The following NCOA7 variants were observed in gnomAD, a reference collection of about 807,000 sequenced individuals.
NCOA7 encodes 140 kDa estrogen receptor-associated protein.
Under a neutral mutation model 104.3 loss-of-function variants are expected in NCOA7, and 45 were observed. The observed-to-expected ratio is 0.43, with a 90% CI of 0.34 to 0.55. The LOEUF is 0.55. Ranked by LOEUF, NCOA7 falls within the 20% of genes least tolerant of loss-of-function variation. The pLI is 0.02. For missense variants in NCOA7, 1,041 were observed against 1,119.7 expected (o/e 0.93, Z 1.00); for synonymous variants, 398 against 402.3 (o/e 0.99, Z 0.13).
intron 10 of NCOA7, chr6:125,899,793 A>AC (rs976107986): frequency 9.0e-6 from 2 of 221,524 alleles, no homozygotes; most frequent in African/African-American, 2.3e-5. Flanking sequence ...TTAGGCAACC[A>AC]CCCCCCAGTA....
intron 2 of NCOA7, among the ~76,000 whole-genome samples, chr6:125,836,050 T>C (rs952474523): frequency 1.8e-4 from 27 of 152,186 alleles, no homozygotes; most frequent in Non-Finnish European, 2.9e-5. Context: ...GGAAACAAAA[T>C]GGAAAAGGTA....
At chr6:125,830,769 G>C (rs1779117646) in intron 2 of NCOA7, among the ~76,000 whole-genome samples, 1 of 143,410 alleles carries the variant, frequency 7.0e-6, no homozygotes. Context: ...GTATGTGTGT[G>C]TGTGTGTGTG....
chr6:125,859,116 T>C (rs887234927), intron 3 of NCOA7, among the ~76,000 whole-genome samples: 1 of 152,056 alleles, frequency 6.6e-6, no homozygotes, highest in Non-Finnish European at 1.5e-5. Flanking sequence ...TACCATCAAC[T>C]CTGTGATGAA....
chr6:125,820,379 A>G (rs1403202622), intron 2 of NCOA7, among the ~76,000 whole-genome samples: 3 of 152,222 alleles, frequency 2.0e-5, no homozygotes, highest in Non-Finnish European at 4.4e-5. Context: ...GTTGCTAAAA[A>G]TAACCAACTA....
intron 2 of NCOA7, among the ~76,000 whole-genome samples, chr6:125,821,477 C>G (rs1007933001): frequency 6.6e-6 from 1 of 152,142 alleles, no homozygotes; most frequent in Non-Finnish European, 1.5e-5. Context: ...TGCTGCTACT[C>G]ACAGTGTGGG....
chr6:125,815,514 G>C, intron 2 of NCOA7, 110 bp downstream of exon 2: 1 of 828,710 alleles, frequency 1.2e-6, no homozygotes, highest in South Asian at 1.7e-5. Flanking sequence ...TTCATAAATA[G>C]AGCAGGTAAC....
chr6:125,905,870 G>A (rs1008915145), intron 10 of NCOA7, among the ~76,000 whole-genome samples: 12 of 151,976 alleles, frequency 7.9e-5, no homozygotes, highest in African/African-American at 2.7e-4. Context: ...GCATGATCTC[G>A]ACTGACTACA....
chr6:125,897,486 T>A (rs1039324518), intron 10 of NCOA7, among the ~76,000 whole-genome samples: 10 of 152,254 alleles, frequency 6.6e-5, no homozygotes, highest in African/African-American at 2.2e-4. Flanking sequence ...TTCTTAGTTT[T>A]ATTTTCTATT....
intron 11 of NCOA7, chr6:125,919,229 T>C: frequency 1.3e-6 from 2 of 1,588,082 alleles, no homozygotes; most frequent in African/African-American, 1.3e-5. Context: ...AACTCAATCA[T>C]GCAGGAAACT....
chr6:125,825,266 A>G (rs1369424197), intron 2 of NCOA7, among the ~76,000 whole-genome samples: 1 of 151,980 alleles, frequency 6.6e-6, no homozygotes, highest in African/African-American at 2.4e-5. Flanking sequence ...TCGGGTATTG[A>G]AAGTTACAGT....
chr6:125,841,655 T>A (rs1273571196), intron 2 of NCOA7, among the ~76,000 whole-genome samples: 2 of 152,106 alleles, frequency 1.3e-5, no homozygotes, highest in African/African-American at 4.8e-5. Flanking sequence ...CCTTTACATG[T>A]GAATGAATTA....
At chr6:125,804,873 T>C (rs372056168) in intron 1 of NCOA7, among the ~76,000 whole-genome samples, 6 of 152,124 alleles carry the variant, frequency 3.9e-5, no homozygotes, top group Admixed American at 3.9e-4. Context: ...TCTTCTGTTC[T>C]CAAAACGTAA....
At chr6:125,886,813 C>T (rs917729939) in intron 8 of NCOA7, among the ~76,000 whole-genome samples, 11 of 152,206 alleles carry the variant, frequency 7.2e-5, no homozygotes, top group Non-Finnish European at 1.3e-4. Flanking sequence ...CCAGTGGCAA[C>T]GTGCAATAGT....
chr6:125,910,693 A>G (rs1296279883), intron 10 of NCOA7, among the ~76,000 whole-genome samples: 1 of 152,342 alleles, frequency 6.6e-6, no homozygotes, highest in Non-Finnish European at 1.5e-5. Context: ...TCACAATGCA[A>G]TCCTACTTCT....
chr6:125,819,158 T>G (rs906256122), intron 2 of NCOA7, among the ~76,000 whole-genome samples: 1 of 152,172 alleles, frequency 6.6e-6, no homozygotes, highest in Non-Finnish European at 1.5e-5. Context: ...GTTTTCTTTG[T>G]GTGCTATCTT....
At chr6:125,922,197 T>C (rs149804266) in intron 12 of NCOA7, among the ~76,000 whole-genome samples, 45 of 152,344 alleles carry the variant, frequency 3.0e-4, no homozygotes, top group African/African-American at 1.1e-3. Flanking sequence ...GTAAAAGATA[T>C]AGGTGCAATA....
chr6:125,882,314 T>G, intron 6 of NCOA7, 112 bp from the exon 7 acceptor site: 1 of 1,059,360 alleles, frequency 9.4e-7, no homozygotes, highest in Non-Finnish European at 1.4e-6. Flanking sequence ...TTTTTAATGT[T>G]CCACTTAAAT....
intron 5 of NCOA7, among the ~76,000 whole-genome samples, chr6:125,879,740 G>C (rs75801442): frequency 6.6e-6 from 1 of 152,142 alleles, no homozygotes; most frequent in East Asian, 1.9e-4. Flanking sequence ...GCTCATCCTT[G>C]TAATTCCAGC....
intron 1 of NCOA7, among the ~76,000 whole-genome samples, chr6:125,781,881 G>A (rs78930336): frequency 0.056 from 8,526 of 152,114 alleles, 313 homozygotes; most frequent in Middle Eastern, 0.095. Context: ...TTTTGGTTTC[G>A]AAACATGTCA....
Sources: allele counts gnomAD v4.1 joint callset (sites outside exome capture counted in the v4.1 genomes callset), GRCh38; gene constraint gnomAD v4.1.1; transcripts MANE v1.5; gene names NCBI Gene and HGNC (gene_info 2026-07-23, HGNC 2026-07-21).